Variants in FER observed in about 807,000 individuals in gnomAD.
FER encodes tyrosine-protein kinase Fer.
In FER, 63 loss-of-function variants were observed where a neutral mutation model predicts 111.0. The observed-to-expected ratio is 0.57, with a 90% confidence interval of 0.46 to 0.70. FER has a LOEUF of 0.70. Among genes scored for constraint, FER ranks in the 30% least tolerant of loss-of-function variants. The probability of loss-of-function intolerance (pLI) is 0.00; values close to 1 mark genes in which losing one functional copy is unlikely to be tolerated. For missense variants in FER, 914 were observed against 954.0 expected (o/e 0.96, Z 0.55); for synonymous variants, 327 against 313.9 (o/e 1.04, Z -0.44).
intron 16 of FER, among the ~76,000 whole-genome samples, chr5:109,068,799 T>C (rs1221769250): frequency 1.3e-5 from 2 of 152,222 alleles, no homozygotes; most frequent in Non-Finnish European, 2.9e-5. Context: ...TCTGAGTTCT[T>C]AGTAAATATT....
At chr5:109,054,074 C>A (rs1276527505) in intron 16 of FER, among the ~76,000 whole-genome samples, 1 of 152,168 alleles carries the variant, frequency 6.6e-6, no homozygotes, top group Non-Finnish European at 1.5e-5. Context: ...TGGGGCTACT[C>A]TAAATGAAGT....
At chr5:108,984,634 T>A in intron 13 of FER, among the ~76,000 whole-genome samples, 1 of 152,166 alleles carries the variant, frequency 6.6e-6, no homozygotes, top group African/African-American at 2.4e-5. Context: ...ACTTAATATT[T>A]ATTGAGTATT....
intron 13 of FER, among the ~76,000 whole-genome samples, chr5:109,008,190 A>G (rs762786115): frequency 3.7e-4 from 57 of 152,212 alleles, no homozygotes; most frequent in Non-Finnish European, 4.7e-4. Flanking sequence ...TATTGAGTTT[A>G]TTAGTACATA....
chr5:108,897,607 C>T (rs767541689), intron 9 of FER, 52 bp from the exon 10 acceptor site: 5 of 1,321,338 alleles, frequency 3.8e-6, no homozygotes, highest in South Asian at 1.9e-5. Context: ...TATGAGGTTT[C>T]CTTAATGTCT....
At chr5:108,841,381 T>C (rs1008308606) in intron 5 of FER, among the ~76,000 whole-genome samples, 1 of 152,238 alleles carries the variant, frequency 6.6e-6, no homozygotes, top group Non-Finnish European at 1.5e-5. Context: ...TAAAACAGTT[T>C]TGTGAATCCA....
chr5:109,156,740 G>A (rs541301425), intron 17 of FER, among the ~76,000 whole-genome samples: 5 of 152,088 alleles, frequency 3.3e-5, no homozygotes, highest in African/African-American at 7.2e-5. Flanking sequence ...CAAAGAAGCA[G>A]TGGTCAGTAA....
Position 109,068,952 on chromosome 5 carries a change from A to C in FER, c.1924+21754A>C, listed in dbSNP as rs545596895. On this transcript the variant is annotated intron_variant, in intron 16 of 19. Transcript: ENST00000281092. Reference sequence around the variant, plus strand: ...CCTTTTGAAAACTCAGTAATTTCACAGCAGTAGTAGTCGCCCATTTTGGCT... The same window carrying C: ...CCTTTTGAAAACTCAGTAATTTCACCGCAGTAGTAGTCGCCCATTTTGGCT... Among the ~76,000 whole-genome samples, 573 of 152,360 alleles carry C rather than the reference A, an allele frequency of 3.8e-3. 3 individuals are homozygous for C. Among genetic ancestry groups the C allele is most frequent in the Admixed American group, 5.8e-3 (89 of 15,308 alleles).
chr5:109,024,471 A>G (rs564711429), intron 13 of FER, among the ~76,000 whole-genome samples: 1 of 152,062 alleles, frequency 6.6e-6, no homozygotes, highest in South Asian at 2.1e-4. Flanking sequence ...ATTCACTTCA[A>G]CTCACAGGCA....
At chr5:109,150,248 C>G (rs10035329) in intron 17 of FER, among the ~76,000 whole-genome samples, 4 of 151,856 alleles carry the variant, frequency 2.6e-5, no homozygotes, top group African/African-American at 9.7e-5. Context: ...TCAGCTGGCT[C>G]TCATTTTCTC....
intron 10 of FER, among the ~76,000 whole-genome samples, chr5:108,938,015 CT>C (rs1561647156): frequency 1.0e-5 from 1 of 99,172 alleles, no homozygotes; most frequent in African/African-American, 4.2e-5. Flanking sequence ...CTTTTTTTCC[CT>C]ATCTCTCTCT....
chr5:109,121,792 A>C (rs1183851569), intron 17 of FER, among the ~76,000 whole-genome samples: 1 of 152,088 alleles, frequency 6.6e-6, no homozygotes, highest in Non-Finnish European at 1.5e-5. Flanking sequence ...TGGTCTGTTC[A>C]GAATTTGGAT....
At chr5:108,952,030 T>G (rs1476184113) in intron 11 of FER, among the ~76,000 whole-genome samples, 2 of 152,170 alleles carry the variant, frequency 1.3e-5, no homozygotes, top group Non-Finnish European at 2.9e-5. Context: ...TGCTGGACTA[T>G]TCTTTAGGAA....
intron 1 of FER, among the ~76,000 whole-genome samples, chr5:108,750,718 G>A (rs565707998): frequency 6.6e-6 from 1 of 152,250 alleles, no homozygotes; most frequent in South Asian, 2.1e-4. Context: ...CTGTAACTCT[G>A]GACCGTGAAC....
intron 5 of FER, among the ~76,000 whole-genome samples, chr5:108,864,354 A>G (rs1325042023): frequency 6.6e-6 from 1 of 152,092 alleles, no homozygotes; most frequent in Non-Finnish European, 1.5e-5. Flanking sequence ...AGGGAATTCT[A>G]TTTCTCATTC....
intron 13 of FER, among the ~76,000 whole-genome samples, chr5:108,996,871 A>G (rs1173985191): frequency 5.3e-5 from 8 of 152,046 alleles, no homozygotes; most frequent in Admixed American, 4.6e-4. Flanking sequence ...CCTTTTCACG[A>G]TATTGATTCT....
chr5:108,844,379 T>C (rs889869270), intron 5 of FER, among the ~76,000 whole-genome samples: 6 of 152,316 alleles, frequency 3.9e-5, no homozygotes, highest in Non-Finnish European at 8.8e-5. Flanking sequence ...ATGTCCTTTA[T>C]AACCTTGTTT....
intron 13 of FER, among the ~76,000 whole-genome samples, chr5:108,993,616 C>A (rs886672302): frequency 1.3e-3 from 157 of 123,402 alleles, no homozygotes; most frequent in South Asian, 3.9e-3. Flanking sequence ...AGGGAGAGGG[C>A]AAGGGCGAGG....
chr5:109,175,753 AATC>A (rs1757610193), intron 17 of FER, among the ~76,000 whole-genome samples: 1 of 152,232 alleles, frequency 6.6e-6, no homozygotes, highest in Non-Finnish European at 1.5e-5. Flanking sequence ...GCTCAACACT[AATC>A]ATTATGGAAA....
At chr5:108,838,525 A>G (rs180868954) in intron 5 of FER, among the ~76,000 whole-genome samples, 6 of 152,322 alleles carry the variant, frequency 3.9e-5, no homozygotes, top group Non-Finnish European at 7.4e-5. Context: ...TTCAGTTCCT[A>G]TAACTGGGAG....
Sources: allele counts gnomAD v4.1 joint callset (sites outside exome capture counted in the v4.1 genomes callset), GRCh38; gene constraint gnomAD v4.1.1; transcripts MANE v1.5; gene names NCBI Gene and HGNC (gene_info 2026-07-23, HGNC 2026-07-21).